NALCN: variants seen among roughly 807,000 people sequenced by gnomAD.
NALCN encodes the protein sodium leak channel, non-selective, also known as sodium leak channel NALCN.
In NALCN, 111 loss-of-function variants were observed where a neutral mutation model predicts 225.3. The ratio of observed to expected loss-of-function variants is 0.49; its 90% CI spans 0.42 to 0.58. The LOEUF (loss-of-function observed/expected upper bound fraction) is 0.58. Ranked by LOEUF, NALCN falls within the 20% of genes least tolerant of loss-of-function variation. The pLI is 0.00. For missense variants in NALCN, 1,378 were observed against 2,202.4 expected (o/e 0.63, Z 7.49); for synonymous variants, 764 against 769.0 (o/e 0.99, Z 0.11).
intron 7 of NALCN, among the ~76,000 whole-genome samples, chr13:101,326,112 T>C (rs577134019): frequency 7.7e-4 from 117 of 152,344 alleles, no homozygotes; most frequent in African/African-American, 2.7e-3. Flanking sequence ...CACTATGTTT[T>C]AAGCTAGACA....
At chr13:101,120,897 T>C (rs559700719) in intron 18 of NALCN, among the ~76,000 whole-genome samples, 44 of 152,260 alleles carry the variant, frequency 2.9e-4, no homozygotes, top group Non-Finnish European at 4.3e-4. Flanking sequence ...CCTCAACTCA[T>C]ATCAAGAATT....
intron 6 of NALCN, among the ~76,000 whole-genome samples, chr13:101,351,706 A>G (rs2045913011): frequency 1.3e-5 from 2 of 152,186 alleles, no homozygotes; most frequent in Admixed American, 6.5e-5. Flanking sequence ...TTAAAAAACA[A>G]TTCCCAGAAG....
intron 1 of NALCN, among the ~76,000 whole-genome samples, chr13:101,405,959 C>CA (rs1489356690): frequency 1.3e-5 from 2 of 151,984 alleles, no homozygotes; most frequent in Admixed American, 1.3e-4. Context: ...CATGCAAAAA[C>CA]AGAGTCCTTC....
chr13:101,284,128 T>C (rs1370984498), intron 9 of NALCN, 109 bp from the exon 10 acceptor site: 1 of 842,448 alleles, frequency 1.2e-6, no homozygotes, highest in Non-Finnish European at 1.8e-6. Flanking sequence ...TGTCTTCTTA[T>C]GGATTTATAT....
intron 9 of NALCN, among the ~76,000 whole-genome samples, chr13:101,288,367 A>G (rs930912170): frequency 1.3e-4 from 20 of 152,364 alleles, no homozygotes; most frequent in African/African-American, 3.8e-4. Flanking sequence ...TTCTTTGAGC[A>G]TTAAGTTATA....
At position 101,089,961 on chromosome 13, in the gene NALCN, T is replaced by C. The variant is rs2034136692; in HGVS notation, c.3275A>G (p.Asn1092Ser). The change falls in exon 29 of 44, where the codon AAT becomes AGT. Residue 1092 changes from asparagine (N) to serine (S), a missense_variant. Around this residue, in one of 19 missense-constraint regions of NALCN, gnomAD observed 292 missense variants for 409.5 expected, o/e 0.71. Coordinates refer to ENST00000251127, the MANE Select transcript of NALCN (RefSeq NM_052867.4). This position sits in a 1 kb window ranked among gnomAD's most constrained non-coding sequence, Gnocchi z 4.7. Reference sequence around the variant, plus strand: ...ATTGTCGAAATTAAAGTTCCGAGGATTCGCCCTGCGATTCCAATACAGGAA... The same window carrying C: ...ATTGTCGAAATTAAAGTTCCGAGGACTCGCCCTGCGATTCCAATACAGGAA... The part of the protein sequence containing the change: ...PGFWVPRVWA[N>S]PRNFNFDNVG... 6.2e-7 allele frequency: 1 copy of C among 1,613,932 alleles called. No homozygotes were observed. The highest frequency in any genetic ancestry group is 8.5e-7 in the Non-Finnish European group (1 of 1,179,852).
At chr13:101,245,698 C>T (rs2041873896) in intron 11 of NALCN, among the ~76,000 whole-genome samples, 1 of 145,062 alleles carries the variant, frequency 6.9e-6, no homozygotes, top group Non-Finnish European at 1.6e-5. Flanking sequence ...AGGCAGGGAA[C>T]CTAAGTCCAT....
chr13:101,195,173 A>G (rs2039839065), intron 13 of NALCN, among the ~76,000 whole-genome samples: 1 of 152,190 alleles, frequency 6.6e-6, no homozygotes, highest in Admixed American at 6.5e-5. Context: ...GCACAGGAGT[A>G]GAGTTTCAGT....
chr13:101,406,125 G>C (rs757026479), intron 1 of NALCN, among the ~76,000 whole-genome samples: 18 of 147,514 alleles, frequency 1.2e-4, no homozygotes, highest in Non-Finnish European at 2.5e-4. Context: ...GACCAGCCTG[G>C]GCAACATGGA....
At chr13:101,170,601 T>C (rs1187426129) in intron 15 of NALCN, among the ~76,000 whole-genome samples, 1 of 152,168 alleles carries the variant, frequency 6.6e-6, no homozygotes, top group Admixed American at 6.5e-5. Flanking sequence ...CAAAAGAGAA[T>C]ATAAGATATT....
rs183626938 is a variant in NALCN at position 101,252,313 on chromosome 13, T to C, written c.1266+6130A>G. Reference sequence around the variant, plus strand: ...AATTGAAATGAGATGAAAAATTTTATATCCATGTGAAATCTTTGCAGAGAA... The same window carrying C: ...AATTGAAATGAGATGAAAAATTTTACATCCATGTGAAATCTTTGCAGAGAA... On this transcript the variant is annotated intron_variant, in intron 11 of 43. Transcript: ENST00000251127. Among the ~76,000 whole-genome samples, 79 of 152,330 alleles carry C rather than the reference T, an allele frequency of 5.2e-4. 1 individual carries two copies. The highest frequency in any genetic ancestry group is 2.0e-3 in the Admixed American group (30 of 15,290).
chr13:101,173,999 A>G (rs940200875), intron 15 of NALCN, among the ~76,000 whole-genome samples: 12 of 152,316 alleles, frequency 7.9e-5, no homozygotes, highest in African/African-American at 2.9e-4. Flanking sequence ...CACTGAAAAT[A>G]AGAAAAATCA....
rs992276058 is a variant in NALCN at position 101,292,745 on chromosome 13, C to T, written c.800-379G>A. Among the ~76,000 whole-genome samples the T allele has an allele frequency of 6.6e-6, 1 of 152,116 alleles. No individual in the cohort carries two copies. The highest frequency in any genetic ancestry group is 6.5e-5 in the Admixed American group (1 of 15,274). On this transcript the variant is annotated intron_variant, in intron 7 of 43. Transcript: ENST00000251127. The surrounding 1 kb of genome is among the most constrained non-coding windows in gnomAD (Gnocchi z 4.3). ...CTAACACATTCAATAAGCTGAAAAG[C>T]ACCTGCTATAGTTTTAACCAAAATG... is the stretch of plus-strand genomic sequence containing the variant.
intron 35 of NALCN, among the ~76,000 whole-genome samples, chr13:101,075,485 A>G (rs2139476641): frequency 6.6e-6 from 1 of 151,160 alleles, no homozygotes; most frequent in African/African-American, 2.4e-5. Flanking sequence ...ATCTGGAATC[A>G]TGGAAACATA....
At chr13:101,347,944 T>C (rs1173854344) in intron 6 of NALCN, among the ~76,000 whole-genome samples, 1 of 152,216 alleles carries the variant, frequency 6.6e-6, no homozygotes, top group East Asian at 1.9e-4. Context: ...CAATAAAGAC[T>C]TGTTAAAAGA....
intron 14 of NALCN, among the ~76,000 whole-genome samples, chr13:101,191,162 C>T (rs2039665379): frequency 6.6e-6 from 1 of 152,160 alleles, no homozygotes; most frequent in African/African-American, 2.4e-5. Context: ...TTTGAGTCCT[C>T]AACTTGGAAC....
At chr13:101,248,170 C>T (rs2041957208) in intron 11 of NALCN, among the ~76,000 whole-genome samples, 1 of 151,830 alleles carries the variant, frequency 6.6e-6, no homozygotes, top group African/African-American at 2.4e-5. Flanking sequence ...ATATTCCACC[C>T]AGAGAACCCC....
At chr13:101,345,458 A>T in intron 6 of NALCN, 38 bp from the exon 7 acceptor site, 1 of 1,598,440 alleles carries the variant, frequency 6.3e-7, no homozygotes, top group Non-Finnish European at 8.5e-7. Flanking sequence ...CAATTTCAAC[A>T]ATCATAAATG....
At chr13:101,341,904 G>A (rs1246507536) in intron 7 of NALCN, among the ~76,000 whole-genome samples, 3 of 152,192 alleles carry the variant, frequency 2.0e-5, no homozygotes, top group African/African-American at 7.2e-5. Context: ...TATGAAGGAG[G>A]TTCAAGAGAG....
Sources: gnomAD v4.1 joint callset for allele counts (sites outside exome capture counted in the v4.1 genomes callset) on GRCh38, gnomAD v4.1.1 for gene constraint, gnomAD v4.1.1 regional missense constraint, Gnocchi (gnomAD v3.1) non-coding constraint, MANE v1.5 for transcripts, NCBI Gene and HGNC (gene_info 2026-07-23, HGNC 2026-07-21) for gene names.